MYO18A: variants seen among roughly 807,000 people sequenced by gnomAD.
The protein encoded by MYO18A is unconventional myosin-XVIIIa.
MYO18A carries 78 observed loss-of-function variants against 235.8 expected under a neutral mutation model. The observed-to-expected ratio is 0.33, with a 90% CI of 0.28 to 0.40. MYO18A has a LOEUF of 0.40. Among genes scored for constraint, MYO18A ranks in the 10% least tolerant of loss-of-function variants. MYO18A has a pLI of 1.00. For missense variants in MYO18A, 2,215 were observed against 2,699.3 expected (o/e 0.82, Z 3.98); for synonymous variants, 977 against 1,077.8 (o/e 0.91, Z 1.83).
At position 29,121,129 on chromosome 17, in the gene MYO18A, A is replaced by G. The variant is rs1290502573; in HGVS notation, c.1454T>C (p.Met485Thr). The part of the protein sequence containing the change: ...YAVAQTAYRA[M>T]LMSRQDQSII... ...TGACTGATCCTGACGGCTCATCAGC[A>G]TCGCCCTGTATGCGGTCTGGGCCAC... The change falls in exon 6 of 42, where the codon ATG becomes ACG. Residue 485 changes from methionine (M) to threonine (T), a missense_variant. By Grantham distance (81) the Met-to-Thr change is moderately conservative. Coordinates refer to ENST00000527372, the MANE Select transcript of MYO18A (RefSeq NM_078471.4). The surrounding 1 kb of genome is among the most constrained non-coding windows in gnomAD (Gnocchi z 4.2). The G allele has an allele frequency of 6.2e-7, 1 of 1,611,204 alleles. No individual in the cohort carries two copies. The highest frequency in any genetic ancestry group is 1.3e-5 in the African/African-American group (1 of 74,874).
In MYO18A at chr17:29,125,275, CA is replaced by C. The variant is rs1266366391; in HGVS notation, c.1000-3023del. Among the ~76,000 whole-genome samples, 1 of 152,180 alleles carries C rather than the reference CA, an allele frequency of 6.6e-6. No individual in the cohort carries two copies. Among genetic ancestry groups the C allele is most frequent in the Non-Finnish European group, 1.5e-5 (1 of 68,036 alleles). ...ATAGAACACAGCTCCCAGCAGCTTGCAGTCTAGAATCTCTTCCTCAACCCCG... is the reference window on the plus strand; with the variant it reads ...ATAGAACACAGCTCCCAGCAGCTTGCGTCTAGAATCTCTTCCTCAACCCCG... On this transcript the variant is annotated intron_variant, in intron 2 of 41. Transcript: ENST00000527372. The surrounding 1 kb of genome is among the most constrained non-coding windows in gnomAD (Gnocchi z 5.1).
intron 2 of MYO18A, among the ~76,000 whole-genome samples, chr17:29,137,641 C>T (rs564181850): frequency 7.0e-4 from 106 of 152,286 alleles, no homozygotes; most frequent in Non-Finnish European, 1.0e-3. Context: ...TATATAACAG[C>T]TCCAAATTGG....
At chr17:29,134,562 G>T (rs1018522507) in intron 2 of MYO18A, among the ~76,000 whole-genome samples, 1 of 151,912 alleles carries the variant, frequency 6.6e-6, no homozygotes, top group African/African-American at 2.4e-5. Flanking sequence ...CACTCTTGTT[G>T]CCCAGGCTGG....
chr17:29,093,355 G>A lies in MYO18A; in HGVS notation c.4894C>T (p.Leu1632=). The change falls in exon 32 of 42, where the codon CTG becomes TTG. Residue 1632 remains leucine (L), a synonymous_variant. Transcript: ENST00000527372. ...CTGAGGGTGGCGAGCTTGCCCTCCA[G>A]CTCCCGCTTCTCTCGCAGAACCTTC... ...KQKVLREKRE[L]EGKLATLSDQ... is the part of the protein sequence containing the mutation. 1.9e-6 allele frequency: 3 copies of A among 1,612,526 alleles called. No homozygotes were observed. The highest frequency in any genetic ancestry group is 2.5e-6 in the Non-Finnish European group (3 of 1,179,748).
chr17:29,128,270 G>T, intron 2 of MYO18A: 5 of 1,179,338 alleles, frequency 4.2e-6, no homozygotes, highest in Middle Eastern at 3.9e-4. Context: ...GTGCTCGGGG[G>T]ACTTGACTCC....
Position 29,074,092 on chromosome 17 carries a change from G to T in MYO18A, c.*678C>A. 1 of 1,614,062 alleles carries T rather than the reference G, an allele frequency of 6.2e-7. No homozygotes were observed. The highest frequency in any genetic ancestry group is 8.5e-7 in the Non-Finnish European group (1 of 1,180,024). On this transcript the variant is annotated 3_prime_UTR_variant, in exon 42 of 42. Coordinates refer to ENST00000527372, the MANE Select transcript of MYO18A (RefSeq NM_078471.4). This position sits in a 1 kb window ranked among gnomAD's most constrained non-coding sequence, Gnocchi z 4.4. ...CAACCCAGCCCAGCAGCACCGGAGAGCCCCTCCGCACCTCATTCTTAAGAA... is the reference window on the plus strand; with the variant it reads ...CAACCCAGCCCAGCAGCACCGGAGATCCCCTCCGCACCTCATTCTTAAGAA...
intron 3 of MYO18A, 58 bp downstream of exon 3, chr17:29,122,108 T>G: frequency 6.4e-7 from 1 of 1,571,574 alleles, no homozygotes. Context: ...GCACATTCGC[T>G]GCCCAGCCCT....
chr17:29,158,192 G>A lies in MYO18A; in HGVS notation c.999+7750C>T, dbSNP rs1224160804. 3.3e-5 allele frequency among the ~76,000 whole-genome samples: 5 copies of A among 152,144 alleles called. No individual in the cohort carries two copies. Among genetic ancestry groups the A allele is most frequent in the African/African-American group, 4.8e-5 (2 of 41,416 alleles). On this transcript the variant is annotated intron_variant, in intron 2 of 41. Coordinates refer to ENST00000527372, the MANE Select transcript of MYO18A (RefSeq NM_078471.4). The surrounding 1 kb of genome is among the most constrained non-coding windows in gnomAD (Gnocchi z 4.3). The stretch of plus-strand genomic sequence containing the variant: ...CACAGATAACACCCGGCGAACACCC[G>A]GCAAACACCGACATCCTGCCCTGGC...
chr17:29,129,706 C>T (rs929588266), intron 2 of MYO18A, among the ~76,000 whole-genome samples: 7 of 152,250 alleles, frequency 4.6e-5, no homozygotes, highest in Non-Finnish European at 1.0e-4. Flanking sequence ...TGCAGGAAGA[C>T]GCTCACAGTA....
chr17:29,088,052 CTTTT>C (rs1040172315), intron 37 of MYO18A, among the ~76,000 whole-genome samples: 13 of 124,644 alleles, frequency 1.0e-4, no homozygotes, highest in Admixed American at 2.5e-4. Context: ...AAAATAAATT[CTTTT>C]TTTTTTTTTT....
At chr17:29,131,299 ACACG>A in intron 2 of MYO18A, 1 of 776,490 alleles carries the variant, frequency 1.3e-6, no homozygotes, top group Non-Finnish European at 1.6e-6. Flanking sequence ...GCAAACACAC[ACACG>A]CACACACACA....
At position 29,090,021 on chromosome 17, in the gene MYO18A, A is replaced by G. The variant is rs1460519126; in HGVS notation, c.5466T>C (p.Ala1822=). The change falls in exon 37 of 42, where the codon GCT becomes GCC. Residue 1822 remains alanine (A), a synonymous_variant. Coordinates refer to ENST00000527372, the MANE Select transcript of MYO18A (RefSeq NM_078471.4). ...GGCGTGTCTCCAGCTCCCGTATCTT[A>G]GCTTCCTGCCTGCTCACCAGGGACT... ...VDKSLVSRQE[A]KIRELETRLE... is the part of the protein sequence containing the mutation. The G allele has an allele frequency of 1.2e-6, 2 of 1,614,050 alleles. No individual in the cohort carries two copies.
chr17:29,080,310 G>A (rs1371077683), intron 41 of MYO18A: 1 of 986,006 alleles, frequency 1.0e-6, no homozygotes, highest in Admixed American at 6.1e-5. Context: ...GGCTGACGGA[G>A]CGGACGCTGG....
Position 29,140,385 on chromosome 17 carries a change from C to G in MYO18A, c.1000-18132G>C. 7.8e-7 allele frequency: 1 copy of G among 1,284,696 alleles called. No homozygotes were observed. Among genetic ancestry groups the G allele is most frequent in the Non-Finnish European group, 1.0e-6 (1 of 986,626 alleles). 79.6% of individuals were successfully genotyped at this position (1,284,696 alleles called of 1,614,324 possible). A position where few individuals can be genotyped will look rare whatever the true frequency, so the allele number is the denominator to read the frequency against. ...CAGCCCAGAGCAAGGAGACTCCGCTCTGATGCTGCTCTGGCTCCGTTAGCA... is the reference window on the plus strand; with the variant it reads ...CAGCCCAGAGCAAGGAGACTCCGCTGTGATGCTGCTCTGGCTCCGTTAGCA... On this transcript the variant is annotated intron_variant, in intron 2 of 41. Coordinates refer to ENST00000527372, the MANE Select transcript of MYO18A (RefSeq NM_078471.4). The surrounding 1 kb of genome is among the most constrained non-coding windows in gnomAD (Gnocchi z 4.2).
In MYO18A at chr17:29,126,698, A is replaced by G. The variant is rs1402523085; in HGVS notation, c.1000-4445T>C. 1.3e-5 allele frequency among the ~76,000 whole-genome samples: 2 copies of G among 152,034 alleles called. No individual in the cohort carries two copies. Among genetic ancestry groups the G allele is most frequent in the African/African-American group, 4.8e-5 (2 of 41,390 alleles). On this transcript the variant is annotated intron_variant, in intron 2 of 41. Coordinates refer to ENST00000527372, the MANE Select transcript of MYO18A (RefSeq NM_078471.4). This position sits in a 1 kb window ranked among gnomAD's most constrained non-coding sequence, Gnocchi z 4.1. ...ATGAGCACAGGGAAGTAGTGGCAAAACTTGATGCTCCTCTCCCACACCCTG... is the reference window on the plus strand; with the variant it reads ...ATGAGCACAGGGAAGTAGTGGCAAAGCTTGATGCTCCTCTCCCACACCCTG...
chr17:29,157,606 G>A (rs2068088446), intron 2 of MYO18A, among the ~76,000 whole-genome samples: 1 of 152,172 alleles, frequency 6.6e-6, no homozygotes, highest in Non-Finnish European at 1.5e-5. Context: ...CAGTAATGCA[G>A]TTTCCTCACT....
Position 29,166,695 on chromosome 17 carries a change from G to A in MYO18A, c.246C>T (p.Asp82=), listed in dbSNP as rs34800601. The change falls in exon 2 of 42, where the codon GAC becomes GAT. Residue 82 remains aspartate (D), a synonymous_variant. Transcript: ENST00000527372. ...SGSDLHLTDI[D]SDSNRGSVIL... ...TGACGCTGCCCCGGTTACTATCGGAGTCAATGTCAGTCAGGTGCAGGTCAG... is the reference window on the plus strand; with the variant it reads ...TGACGCTGCCCCGGTTACTATCGGAATCAATGTCAGTCAGGTGCAGGTCAG... 3,015 of 1,613,814 alleles carry A rather than the reference G, an allele frequency of 1.9e-3. 48 individuals carry two copies. In the African/African-American group the frequency reaches 0.035, roughly 19 times the overall value.
At chr17:29,174,051 G>A (rs542404749) in intron 1 of MYO18A, among the ~76,000 whole-genome samples, 4 of 152,152 alleles carry the variant, frequency 2.6e-5, no homozygotes, top group Non-Finnish European at 5.9e-5. Context: ...TAGGATTACA[G>A]GCACCACCAC....
In MYO18A at chr17:29,098,887, A is replaced by C. The variant is rs371265504; in HGVS notation, c.3719T>G (p.Phe1240Cys). The change falls in exon 23 of 42, where the codon TTT becomes TGT. Residue 1240 changes from phenylalanine (F) to cysteine (C), a missense_variant. Physicochemically the swap from Phe to Cys is radical, Grantham distance 205. Coordinates refer to ENST00000527372, the MANE Select transcript of MYO18A (RefSeq NM_078471.4). ...GVKDWPWWKL[F>C]TTVRPLIEVQ... ...TTCGATGAGGGGCCTCACTGTGGTA[A>C]AAAGCTTCCACCAGGGCCAGTCCTT... is the stretch of plus-strand genomic sequence containing the variant. 6.2e-7 allele frequency: 1 copy of C among 1,613,964 alleles called. No individual in the cohort carries two copies. The highest frequency in any genetic ancestry group is 1.3e-5 in the African/African-American group (1 of 75,032).
Sources: allele counts gnomAD v4.1 joint callset (sites outside exome capture counted in the v4.1 genomes callset), GRCh38; gene constraint gnomAD v4.1.1; non-coding constraint Gnocchi (gnomAD v3.1); transcripts MANE v1.5; gene names NCBI Gene and HGNC (gene_info 2026-07-23, HGNC 2026-07-21).